Variants in PHF14 observed in about 807,000 individuals in gnomAD.
PHF14 encodes PHD finger protein 14.
PHF14 carries 55 observed loss-of-function variants against 117.9 expected under a neutral mutation model. That is an observed-to-expected ratio of 0.47 (90% CI 0.38 to 0.58). PHF14 has a LOEUF of 0.58. Ranked by LOEUF, PHF14 falls within the 20% of genes least tolerant of loss-of-function variation. The probability of loss-of-function intolerance (pLI) is 0.00; values close to 1 mark genes in which losing one functional copy is unlikely to be tolerated. For missense variants in PHF14, 978 were observed against 1,122.2 expected (o/e 0.87, Z 1.84); for synonymous variants, 409 against 368.6 (o/e 1.11, Z -1.26).
intron 16 of PHF14, chr7:11,106,996 G>A: frequency 1.0e-6 from 1 of 982,812 alleles, no homozygotes; most frequent in Non-Finnish European, 1.2e-6. Context: ...CTATGTTATG[G>A]ATTTTGCTTC....
chr7:11,068,700 C>T (rs1194671687), intron 16 of PHF14, among the ~76,000 whole-genome samples: 4 of 152,036 alleles, frequency 2.6e-5, no homozygotes, highest in Non-Finnish European at 5.9e-5. Flanking sequence ...TATTTTACCA[C>T]AATTGATTTT....
chr7:11,006,341 C>CT (rs1215268294), intron 4 of PHF14: 896 of 414,534 alleles, frequency 2.2e-3, no homozygotes, highest in South Asian at 4.0e-3. Context: ...CATTTCTTTT[C>CT]TTTTTTTTTC....
chr7:10,977,831 A>G (rs1366351386), intron 2 of PHF14, among the ~76,000 whole-genome samples: 1 of 152,128 alleles, frequency 6.6e-6, no homozygotes, highest in Non-Finnish European at 1.5e-5. Flanking sequence ...AATATTAGCA[A>G]TTTCATGGTT....
intron 14 of PHF14, among the ~76,000 whole-genome samples, chr7:11,059,956 G>C (rs1245848621): frequency 1.3e-5 from 2 of 152,054 alleles, no homozygotes; most frequent in Non-Finnish European, 2.9e-5. Flanking sequence ...CTGCAGCCTA[G>C]ATCTCCTGGG....
chr7:11,043,189 A>G (rs144623427), intron 13 of PHF14, among the ~76,000 whole-genome samples: 2 of 152,144 alleles, frequency 1.3e-5, no homozygotes, highest in East Asian at 1.9e-4. Context: ...TTTTTGGATT[A>G]GAGTCAAAGG....
intron 16 of PHF14, chr7:11,104,262 G>A (rs1292094213): frequency 1.4e-5 from 14 of 984,506 alleles, no homozygotes; most frequent in African/African-American, 3.5e-5. Flanking sequence ...CACATTTGGT[G>A]CTAGTCCTAA....
At chr7:10,994,556 A>G (rs1381058069) in intron 4 of PHF14, among the ~76,000 whole-genome samples, 1 of 152,156 alleles carries the variant, frequency 6.6e-6, no homozygotes, top group African/African-American at 2.4e-5. Context: ...AGATGGGAGT[A>G]ATCCAGCTGG....
At position 11,134,344 on chromosome 7, in the gene PHF14, A is replaced by G. The variant is rs528139060; in HGVS notation, c.2772+22877A>G. Among the ~76,000 whole-genome samples, 5 of 152,134 alleles carry G rather than the reference A, an allele frequency of 3.3e-5. No individual in the cohort carries two copies. In the East Asian group the frequency reaches 9.6e-4, roughly 29 times the overall value. ...ATTTAATAGCTAATATGGACCTGAA[A>G]TATCATTTAGAGAGATTTGCAAACT... On this transcript the variant is annotated intron_variant, in intron 17 of 17. Transcript: ENST00000634607.
intron 16 of PHF14, among the ~76,000 whole-genome samples, chr7:11,093,372 G>T (rs1786719786): frequency 6.6e-6 from 1 of 152,092 alleles, no homozygotes; most frequent in Non-Finnish European, 1.5e-5. Flanking sequence ...CTTTTTCAAG[G>T]CTGTTAGTAT....
At position 11,111,006 on chromosome 7, in the gene PHF14, G is replaced by A. The variant is rs138487472; in HGVS notation, c.2655-344G>A. 1.3e-3 allele frequency: 218 copies of A among 164,424 alleles called. 4 individuals carry two copies. Among genetic ancestry groups the A allele is most frequent in the African/African-American group, 4.8e-3 (202 of 42,044 alleles). 10.2% of individuals were successfully genotyped at this position (164,424 alleles called of 1,614,324 possible). A position where few individuals can be genotyped will look rare whatever the true frequency, so the allele number is the denominator to read the frequency against. On this transcript the variant is annotated intron_variant, in intron 16 of 17. Coordinates refer to ENST00000634607, the MANE Select transcript of PHF14 (RefSeq NM_001007157.2). ...CTTTAAAATGATTTAATGGGCAAAT[G>A]ATTAATTCTTTAAGTTCACAATTGA...
chr7:10,974,696 TCTC>T, intron 1 of PHF14, 136 bp from the exon 2 acceptor site: 1 of 617,842 alleles, frequency 1.6e-6, no homozygotes, highest in Non-Finnish European at 2.9e-6. Context: ...ACCCCAACCT[TCTC>T]CTGACCCCTT....
chr7:11,154,969 G>GA (rs925232364), intron 17 of PHF14, among the ~76,000 whole-genome samples: 10 of 150,498 alleles, frequency 6.6e-5, no homozygotes, highest in East Asian at 3.9e-4. Flanking sequence ...TATTTAGCTA[G>GA]AAAAAAAAAG....
chr7:11,069,063 T>G (rs1785520895), intron 16 of PHF14, among the ~76,000 whole-genome samples: 1 of 152,146 alleles, frequency 6.6e-6, no homozygotes, highest in African/African-American at 2.4e-5. Flanking sequence ...ACAAGCAAAG[T>G]TCAAAGTAAC....
At chr7:11,040,846 G>A in intron 12 of PHF14, 71 bp downstream of exon 12, 1 of 683,596 alleles carries the variant, frequency 1.5e-6, no homozygotes. Flanking sequence ...TTAGAAAGAA[G>A]ATCCTGCAAA....
chr7:11,066,926 C>T (rs1785441698), intron 16 of PHF14, among the ~76,000 whole-genome samples: 1 of 152,150 alleles, frequency 6.6e-6, no homozygotes, highest in African/African-American at 2.4e-5. Context: ...GACATAACAC[C>T]AAAAGCATAG....
chr7:10,985,657 T>G (rs1782197607), intron 3 of PHF14, among the ~76,000 whole-genome samples: 1 of 132,922 alleles, frequency 7.5e-6, no homozygotes, highest in South Asian at 2.6e-4. Context: ...TTTTTTTTTT[T>G]TTTTTTTTTT....
At chr7:11,034,572 A>C in intron 7 of PHF14, among the ~76,000 whole-genome samples, 1 of 106,626 alleles carries the variant, frequency 9.4e-6, no homozygotes, top group Non-Finnish European at 1.8e-5. Context: ...TTTTTGAGAC[A>C]GACTGTCGCT....
rs1782258536 is a variant in PHF14, at chr7:10,987,307, G to A, written c.901-3396G>A. 3.9e-5 allele frequency among the ~76,000 whole-genome samples: 6 copies of A among 152,214 alleles called. No individual in the cohort carries two copies. The South Asian group carries it at 1.2e-3, about 32-fold the overall frequency. ...ATAATTTTTTCTTATCTTCAGGGCA[G>A]TAGGATTCTTTTAATTCTAATTTTA... is the stretch of plus-strand genomic sequence containing the variant. On this transcript the variant is annotated intron_variant, in intron 3 of 17. Coordinates refer to ENST00000634607, the MANE Select transcript of PHF14 (RefSeq NM_001007157.2).
intron 4 of PHF14, among the ~76,000 whole-genome samples, chr7:10,997,462 G>A (rs1782700424): frequency 6.6e-6 from 1 of 152,178 alleles, no homozygotes; most frequent in Non-Finnish European, 1.5e-5. Flanking sequence ...ATCTGCTGCA[G>A]TGGAACAAAT....
Sources: allele counts gnomAD v4.1 joint callset (sites outside exome capture counted in the v4.1 genomes callset), GRCh38; gene constraint gnomAD v4.1.1; transcripts MANE v1.5; gene names NCBI Gene and HGNC (gene_info 2026-07-23, HGNC 2026-07-21).